The following CACNA2D3 variants were observed in gnomAD, a reference collection of about 807,000 sequenced individuals.
The protein encoded by CACNA2D3 is calcium voltage-gated channel auxiliary subunit alpha2delta 3.
CACNA2D3 carries 60 observed loss-of-function variants against 160.6 expected under a neutral mutation model. The observed-to-expected ratio is 0.37, with a 90% confidence interval of 0.30 to 0.46. The LOEUF is 0.46. Among genes scored for constraint, CACNA2D3 ranks in the 20% least tolerant of loss-of-function variants. CACNA2D3 has a pLI of 1.00. For missense variants in CACNA2D3, 1,205 were observed against 1,365.0 expected (o/e 0.88, Z 1.85); for synonymous variants, 558 against 492.9 (o/e 1.13, Z -1.75).
At chr3:55,064,527 C>T (rs75891670) in intron 35 of CACNA2D3, among the ~76,000 whole-genome samples, 4,881 of 152,252 alleles carry the variant, frequency 0.032, 280 homozygotes, top group African/African-American at 0.11. Flanking sequence ...ACCACCCCCT[C>T]CTCACAGCCC....
intron 3 of CACNA2D3, among the ~76,000 whole-genome samples, chr3:54,358,777 A>T (rs1234342782): frequency 6.6e-6 from 1 of 152,246 alleles, no homozygotes; most frequent in African/African-American, 2.4e-5. Context: ...AACCAGATGC[A>T]AGCTAGAAGG....
chr3:54,238,949 T>A (rs549661163), intron 2 of CACNA2D3, among the ~76,000 whole-genome samples: 10 of 152,380 alleles, frequency 6.6e-5, no homozygotes, highest in African/African-American at 2.4e-4. Context: ...GAATATTTTA[T>A]TAGCAACATA....
chr3:54,833,236 G>T (rs2694129), intron 14 of CACNA2D3, among the ~76,000 whole-genome samples: 3,422 of 152,256 alleles, frequency 0.022, 123 homozygotes, highest in African/African-American at 0.076. Context: ...TATATACTTA[G>T]TATACAACAG....
intron 18 of CACNA2D3, chr3:54,878,684 G>A (rs560404172): frequency 9.3e-4 from 178 of 192,194 alleles, no homozygotes; most frequent in Non-Finnish European, 1.3e-3. Context: ...TTTTGAAAAC[G>A]TACCTTGTCC....
chr3:54,418,285 A>C (rs145791685), intron 4 of CACNA2D3, among the ~76,000 whole-genome samples: 1 of 152,156 alleles, frequency 6.6e-6, no homozygotes, highest in African/African-American at 2.4e-5. Context: ...TTCATAATCT[A>C]TCCTTCTTCC....
chr3:54,887,982 G>A lies in CACNA2D3; in HGVS notation c.2080G>A (p.Val694Ile). 6.2e-7 allele frequency: 1 copy of A among 1,613,960 alleles called. No individual in the cohort carries two copies. The highest frequency in any genetic ancestry group is 1.3e-5 in the African/African-American group (1 of 75,026). ...LQCDKELIQE[V>I]LFDAVVSAPI... Reference sequence around the variant, plus strand: ...AGGTGATAAAGAATTGATCCAAGAAGTCCTTTTTGACGCGGTGGTGAGTGC... The same window carrying A: ...AGGTGATAAAGAATTGATCCAAGAAATCCTTTTTGACGCGGTGGTGAGTGC... The change falls in exon 24 of 38, where the codon GTC becomes ATC. Residue 694 changes from valine to isoleucine, a missense_variant. Physicochemically the swap from Val to Ile is conservative, Grantham distance 29. This residue lies in a region of CACNA2D3 where 911 missense variants were observed against 1,002.2 expected (regional missense o/e 0.91). Transcript: ENST00000474759.
intron 11 of CACNA2D3, among the ~76,000 whole-genome samples, chr3:54,737,366 G>A (rs13340103): frequency 0.046 from 6,956 of 152,174 alleles, 516 homozygotes; most frequent in African/African-American, 0.16. Context: ...TTTGGAGGTG[G>A]AAAGTTCAAT....
intron 27 of CACNA2D3, among the ~76,000 whole-genome samples, chr3:54,927,740 C>G (rs1274246660): frequency 6.6e-6 from 1 of 152,172 alleles, no homozygotes; most frequent in Non-Finnish European, 1.5e-5. Context: ...CCTCTGCACC[C>G]AACATGCGCA....
chr3:54,291,330 A>G (rs1383631033), intron 2 of CACNA2D3, among the ~76,000 whole-genome samples: 3 of 152,216 alleles, frequency 2.0e-5, no homozygotes, highest in Admixed American at 6.5e-5. Context: ...TCAGATAGGC[A>G]ATTAAAATGG....
intron 2 of CACNA2D3, among the ~76,000 whole-genome samples, chr3:54,218,812 C>T (rs1701512310): frequency 6.6e-6 from 1 of 152,142 alleles, no homozygotes; most frequent in Non-Finnish European, 1.5e-5. Flanking sequence ...AGAGGCTGTC[C>T]TTGGCTTGTG....
intron 2 of CACNA2D3, among the ~76,000 whole-genome samples, chr3:54,191,464 C>T (rs192876377): frequency 1.1e-4 from 16 of 151,876 alleles, no homozygotes; most frequent in African/African-American, 1.9e-4. Flanking sequence ...CAGTTTCATA[C>T]GCATGCTGAG....
chr3:54,599,810 T>C (rs1213238380), intron 9 of CACNA2D3, among the ~76,000 whole-genome samples: 1 of 152,194 alleles, frequency 6.6e-6, no homozygotes, highest in African/African-American at 2.4e-5. Flanking sequence ...CCGCGTGGCT[T>C]CACTCTGCTC....
At chr3:54,733,406 G>A (rs961756082) in intron 11 of CACNA2D3, among the ~76,000 whole-genome samples, 2 of 152,200 alleles carry the variant, frequency 1.3e-5, no homozygotes, top group African/African-American at 4.8e-5. Flanking sequence ...TCTGTATGGT[G>A]TTGTACCAGG....
chr3:55,025,175 T>C (rs1310166475), intron 35 of CACNA2D3, among the ~76,000 whole-genome samples: 1 of 152,086 alleles, frequency 6.6e-6, no homozygotes, highest in Non-Finnish European at 1.5e-5. Context: ...AAATCGTAAT[T>C]AGAAAATAAA....
intron 3 of CACNA2D3, among the ~76,000 whole-genome samples, chr3:54,366,199 G>C (rs1356065277): frequency 1.3e-5 from 2 of 152,168 alleles, no homozygotes; most frequent in African/African-American, 2.4e-5. Flanking sequence ...CATGGAGCAG[G>C]GGATATTTGA....
chr3:55,064,565 A>G (rs1268982563), intron 35 of CACNA2D3, among the ~76,000 whole-genome samples: 1 of 152,156 alleles, frequency 6.6e-6, no homozygotes, highest in Non-Finnish European at 1.5e-5. Context: ...TGCATGCCCC[A>G]TTGGCCTCTG....
At chr3:54,504,401 C>G (rs1278486507) in intron 5 of CACNA2D3, among the ~76,000 whole-genome samples, 1 of 152,118 alleles carries the variant, frequency 6.6e-6, no homozygotes, top group African/African-American at 2.4e-5. Flanking sequence ...GGCACGTCAC[C>G]TCATCTTTTT....
chr3:54,842,165 C>T (rs1421903275), intron 16 of CACNA2D3, among the ~76,000 whole-genome samples: 1 of 152,218 alleles, frequency 6.6e-6, no homozygotes, highest in African/African-American at 2.4e-5. Flanking sequence ...CCTTTGTCTA[C>T]ATTAGGATGT....
chr3:54,884,341 T>C (rs1699876929), intron 21 of CACNA2D3, among the ~76,000 whole-genome samples: 1 of 152,224 alleles, frequency 6.6e-6, no homozygotes, highest in South Asian at 2.1e-4. Context: ...ACTTGGATCA[T>C]ATGCAATGAT....
Sources: allele counts gnomAD v4.1 joint callset (sites outside exome capture counted in the v4.1 genomes callset), GRCh38; gene constraint gnomAD v4.1.1; regional missense constraint gnomAD v4.1.1; transcripts MANE v1.5; gene names NCBI Gene and HGNC (gene_info 2026-07-23, HGNC 2026-07-21).